Variants in FHOD3 observed in about 807,000 individuals in gnomAD.
FHOD3 encodes the protein formin homology 2 domain containing 3, also known as FH1/FH2 domain-containing protein 3.
Under a neutral mutation model 173.0 loss-of-function variants are expected in FHOD3, and 90 were observed. That is an observed-to-expected ratio of 0.52 (90% CI 0.44 to 0.62). The LOEUF (loss-of-function observed/expected upper bound fraction) is 0.62, where lower values mean the gene tolerates loss of function less well. Ranked by LOEUF, FHOD3 falls within the 20% of genes least tolerant of loss-of-function variation. The probability of loss-of-function intolerance (pLI) is 0.00; values close to 1 mark genes in which losing one functional copy is unlikely to be tolerated. For missense variants in FHOD3, 1,945 were observed against 2,034.7 expected (o/e 0.96, Z 0.85); for synonymous variants, 828 against 823.0 (o/e 1.01, Z -0.10).
intron 3 of FHOD3, among the ~76,000 whole-genome samples, chr18:36,433,507 T>C (rs2050661297): frequency 6.6e-6 from 1 of 152,160 alleles, no homozygotes; most frequent in Non-Finnish European, 1.5e-5. Flanking sequence ...ATTCAACACG[T>C]TAGGATTTTA....
At chr18:36,577,116 T>C (rs572901726) in intron 6 of FHOD3, among the ~76,000 whole-genome samples, 1 of 151,810 alleles carries the variant, frequency 6.6e-6, no homozygotes, top group Non-Finnish European at 1.5e-5. Flanking sequence ...AGTTATACCA[T>C]AGATGTAAGA....
chr18:36,391,448 T>A (rs2048295596), intron 3 of FHOD3, among the ~76,000 whole-genome samples: 1 of 152,108 alleles, frequency 6.6e-6, no homozygotes, highest in Non-Finnish European at 1.5e-5. Flanking sequence ...TTTTTCTCGA[T>A]GATAGGAGGG....
chr18:36,597,934 C>T (rs144937571), intron 7 of FHOD3, among the ~76,000 whole-genome samples: 1 of 152,094 alleles, frequency 6.6e-6, no homozygotes, highest in African/African-American at 2.4e-5. Flanking sequence ...ATACATATAA[C>T]GTCATCCTAT....
intron 17 of FHOD3, among the ~76,000 whole-genome samples, chr18:36,699,033 G>GAGACCCTATCTTCTAAGAGA (rs1260313850): frequency 2.0e-5 from 3 of 152,134 alleles, no homozygotes; most frequent in Non-Finnish European, 4.4e-5. Context: ...TTGCTCTAGG[G>GAGACCCTATCTTCTAAGAGA]AGACCCTATC....
rs77850681 is a variant in FHOD3, at chr18:36,362,787, C to G, written c.272+7142C>G. On this transcript the variant is annotated intron_variant, in intron 2 of 28. Transcript: ENST00000590592. ...GTTTAGCTGCATGTGGCAAAGAACC[C>G]AGATAACAGTGGCTTAAAATTTTTG... is the stretch of plus-strand genomic sequence containing the variant. 3.2e-3 allele frequency among the ~76,000 whole-genome samples: 490 copies of G among 152,260 alleles called. 12 individuals carry two copies. The East Asian group carries it at 0.081, about 25-fold the overall frequency.
chr18:36,454,767 T>G (rs2052072538), intron 3 of FHOD3, among the ~76,000 whole-genome samples: 1 of 152,086 alleles, frequency 6.6e-6, no homozygotes, highest in South Asian at 2.1e-4. Context: ...TGATCCTGGC[T>G]CTTCGGCATG....
At chr18:36,554,524 A>G (rs1051501819) in intron 5 of FHOD3, among the ~76,000 whole-genome samples, 16 of 151,768 alleles carry the variant, frequency 1.1e-4, no homozygotes, top group Non-Finnish European at 2.4e-4. Context: ...TAGGAGATAT[A>G]CCTAATGTTA....
intron 17 of FHOD3, among the ~76,000 whole-genome samples, chr18:36,705,947 C>CTGTGTGTGTG (rs3222016): frequency 1.7e-4 from 24 of 142,800 alleles, no homozygotes; most frequent in African/African-American, 3.9e-4. Flanking sequence ...TCAGAAGGAA[C>CTGTGTGTGTG]TGTGTGTGTG....
rs1485560073 is a variant in FHOD3, at chr18:36,305,005, G to C, written c.165+7005G>C. Among the ~76,000 whole-genome samples the C allele has an allele frequency of 2.0e-5, 3 of 152,032 alleles. No homozygotes were observed. In the East Asian group the frequency reaches 5.8e-4, roughly 29 times the overall value. ...CAGTGAATGGCAGTGATGCTTTAAT[G>C]TACATGAAAATGTAAGTTGTATACC... On this transcript the variant is annotated intron_variant, in intron 1 of 28. Coordinates refer to ENST00000590592, the MANE Select transcript of FHOD3 (RefSeq NM_001281740.3).
At chr18:36,742,138 G>A (rs2041931567) in intron 21 of FHOD3, among the ~76,000 whole-genome samples, 2 of 152,290 alleles carry the variant, frequency 1.3e-5, no homozygotes, top group South Asian at 4.1e-4. Flanking sequence ...AGACAAAGGA[G>A]TGGGGGCCAC....
At chr18:36,305,487 A>C (rs1402909567) in intron 1 of FHOD3, among the ~76,000 whole-genome samples, 1 of 152,262 alleles carries the variant, frequency 6.6e-6, no homozygotes, top group Non-Finnish European at 1.5e-5. Flanking sequence ...ACCAAGAAGG[A>C]AACTCCTGTG....
chr18:36,773,185 G>C (rs902994797), intron 28 of FHOD3, among the ~76,000 whole-genome samples: 1 of 152,198 alleles, frequency 6.6e-6, no homozygotes, highest in African/African-American at 2.4e-5. Flanking sequence ...CTCTCTGGTG[G>C]TTTCACTTTT....
intron 6 of FHOD3, among the ~76,000 whole-genome samples, chr18:36,577,948 G>A (rs1017988972): frequency 9.2e-5 from 14 of 152,206 alleles, no homozygotes; most frequent in African/African-American, 3.4e-4. Context: ...AAGGGACCCT[G>A]TCCTGAGCAG....
intron 5 of FHOD3, among the ~76,000 whole-genome samples, chr18:36,516,715 G>C (rs762832939): frequency 1.6e-4 from 25 of 152,228 alleles, no homozygotes; most frequent in Non-Finnish European, 3.2e-4. Context: ...CTGCACTCCA[G>C]CCTGATTAAC....
At chr18:36,669,511 G>A (rs2037396551) in intron 14 of FHOD3, among the ~76,000 whole-genome samples, 1 of 151,628 alleles carries the variant, frequency 6.6e-6, no homozygotes, top group Non-Finnish European at 1.5e-5. Context: ...GCATATTCTT[G>A]ATTAGTTCAT....
intron 15 of FHOD3, among the ~76,000 whole-genome samples, chr18:36,683,802 G>A (rs902567831): frequency 7.2e-5 from 11 of 152,180 alleles, no homozygotes; most frequent in Admixed American, 2.6e-4. Context: ...ATGGGAGAGA[G>A]GGGAACTCTT....
intron 5 of FHOD3, among the ~76,000 whole-genome samples, chr18:36,542,111 A>G (rs1246230742): frequency 1.3e-5 from 2 of 152,200 alleles, no homozygotes; most frequent in African/African-American, 4.8e-5. Flanking sequence ...TACCATGGAT[A>G]TAGCTATGTA....
At chr18:36,750,313 C>T (rs1349771115) in intron 24 of FHOD3, among the ~76,000 whole-genome samples, 2 of 152,120 alleles carry the variant, frequency 1.3e-5, no homozygotes, top group African/African-American at 4.8e-5. Flanking sequence ...TGTTCATGTC[C>T]TTTGCCCACT....
Position 36,428,837 on chromosome 18 carries a change from C to T in FHOD3, c.337+56093C>T, listed in dbSNP as rs944930901. ...CTTAGGTCAGGTGTTCTTCCTGGTC[C>T]GGTTAGCTGTGGCCAGAGAGATGGG... On this transcript the variant is annotated intron_variant, in intron 3 of 28. Transcript: ENST00000590592. 9.9e-5 allele frequency among the ~76,000 whole-genome samples: 15 copies of T among 152,112 alleles called. No homozygotes were observed. The East Asian group carries it at 1.5e-3, about 16-fold the overall frequency.
Sources: allele counts gnomAD v4.1 joint callset (sites outside exome capture counted in the v4.1 genomes callset), GRCh38; gene constraint gnomAD v4.1.1; transcripts MANE v1.5; gene names NCBI Gene and HGNC (gene_info 2026-07-23, HGNC 2026-07-21).